The following GUCY1A2 variants were observed in gnomAD, a reference collection of about 807,000 sequenced individuals.
GUCY1A2 encodes guanylate cyclase soluble subunit alpha-2.
Under a neutral mutation model 63.5 loss-of-function variants are expected in GUCY1A2, and 27 were observed. The observed-to-expected ratio is 0.43, with a 90% CI of 0.31 to 0.59. The LOEUF (loss-of-function observed/expected upper bound fraction) is 0.59. Among genes scored for constraint, GUCY1A2 ranks in the 20% least tolerant of loss-of-function variants. GUCY1A2 has a pLI of 0.11. For missense variants in GUCY1A2, 768 were observed against 913.3 expected (o/e 0.84, Z 2.05); for synonymous variants, 364 against 343.5 (o/e 1.06, Z -0.66).
At chr11:106,976,372 C>T (rs1352114323) in intron 3 of GUCY1A2, among the ~76,000 whole-genome samples, 1 of 152,142 alleles carries the variant, frequency 6.6e-6, no homozygotes, top group African/African-American at 2.4e-5. Context: ...GTCCAGTAAG[C>T]TGACCAATTC....
intron 4 of GUCY1A2, among the ~76,000 whole-genome samples, chr11:106,842,546 C>G (rs1417002853): frequency 1.3e-5 from 2 of 152,030 alleles, no homozygotes; most frequent in African/African-American, 4.8e-5. Context: ...TTCTTGCACA[C>G]TGGGCTTCCA....
intron 1 of GUCY1A2, among the ~76,000 whole-genome samples, chr11:106,998,797 TA>T (rs5794514): frequency 0.36 from 53,822 of 149,818 alleles, 10,082 homozygotes; most frequent in Admixed American, 0.49. Flanking sequence ...AATAGTTCAT[TA>T]AAAAAAAAAC....
intron 4 of GUCY1A2, among the ~76,000 whole-genome samples, chr11:106,927,234 G>A (rs780950028): frequency 7.3e-5 from 11 of 151,388 alleles, no homozygotes; most frequent in South Asian, 4.2e-4. Flanking sequence ...TTGGCCAGGC[G>A]TGGTGGCGGG....
At chr11:107,014,436 A>T (rs1861792409) in intron 1 of GUCY1A2, among the ~76,000 whole-genome samples, 1 of 152,150 alleles carries the variant, frequency 6.6e-6, no homozygotes, top group Non-Finnish European at 1.5e-5. Context: ...AAGCCTGGGA[A>T]ATCCCAGATA....
chr11:106,874,445 C>T (rs1010142141), intron 4 of GUCY1A2, among the ~76,000 whole-genome samples: 1 of 152,162 alleles, frequency 6.6e-6, no homozygotes, highest in Non-Finnish European at 1.5e-5. Flanking sequence ...AATCTTCCCT[C>T]CTTCTGCCTA....
chr11:106,923,765 C>G (rs954345038), intron 4 of GUCY1A2, among the ~76,000 whole-genome samples: 3 of 151,864 alleles, frequency 2.0e-5, no homozygotes, highest in Admixed American at 6.6e-5. Context: ...GGAGACAGAA[C>G]AGGTTATAAA....
intron 3 of GUCY1A2, among the ~76,000 whole-genome samples, chr11:106,964,105 T>C (rs1861096268): frequency 6.6e-6 from 1 of 152,024 alleles, no homozygotes; most frequent in South Asian, 2.1e-4. Context: ...GCAGACATTA[T>C]GCCCCTTCAT....
At chr11:106,791,230 T>C (rs1864654000) in intron 5 of GUCY1A2, among the ~76,000 whole-genome samples, 2 of 152,206 alleles carry the variant, frequency 1.3e-5, no homozygotes, top group African/African-American at 4.8e-5. Context: ...GAATTCAGCC[T>C]GGTTTTGCTT....
intron 4 of GUCY1A2, among the ~76,000 whole-genome samples, chr11:106,904,282 T>A (rs1318301309): frequency 6.6e-6 from 1 of 152,162 alleles, no homozygotes; most frequent in African/African-American, 2.4e-5. Flanking sequence ...TGGAGATAAG[T>A]AACATACTGA....
At chr11:106,699,301 C>CT (rs1862776846) in intron 7 of GUCY1A2, among the ~76,000 whole-genome samples, 1 of 152,118 alleles carries the variant, frequency 6.6e-6, no homozygotes, top group Non-Finnish European at 1.5e-5. Flanking sequence ...TAAGGAGTGA[C>CT]TTTTTCTTTT....
chr11:106,941,276 T>C (rs1263119271), intron 3 of GUCY1A2, among the ~76,000 whole-genome samples: 1 of 152,114 alleles, frequency 6.6e-6, no homozygotes, highest in Non-Finnish European at 1.5e-5. Context: ...GATATTACAA[T>C]GAAAAATAAA....
intron 5 of GUCY1A2, among the ~76,000 whole-genome samples, chr11:106,785,242 A>G (rs1230081750): frequency 6.6e-6 from 1 of 152,124 alleles, no homozygotes; most frequent in Non-Finnish European, 1.5e-5. Flanking sequence ...AAAGGAGAAG[A>G]TGCAAAGAGA....
chr11:106,684,637 T>C lies in GUCY1A2; in HGVS notation c.*2912A>G, dbSNP rs966673808. 2.0e-5 allele frequency: 4 copies of C among 200,966 alleles called. No homozygotes were observed. The highest frequency in any genetic ancestry group is 1.2e-4 in the Admixed American group (2 of 16,604). 12.4% of individuals were successfully genotyped at this position (200,966 alleles called of 1,614,324 possible). ...GCTAATGGCTAGTTATAAGGTGCCTTCTTCCAAACAGCAGCTTAAAAGAAT... is the reference window on the plus strand; with the variant it reads ...GCTAATGGCTAGTTATAAGGTGCCTCCTTCCAAACAGCAGCTTAAAAGAAT... On this transcript the variant is annotated 3_prime_UTR_variant, in exon 8 of 8. Coordinates refer to ENST00000526355, the MANE Select transcript of GUCY1A2 (RefSeq NM_000855.3).
chr11:106,795,324 T>C (rs1194874851), intron 5 of GUCY1A2, among the ~76,000 whole-genome samples: 2 of 152,180 alleles, frequency 1.3e-5, no homozygotes, highest in African/African-American at 2.4e-5. Flanking sequence ...GGCTGAAATA[T>C]GCCCGACTGG....
chr11:106,879,695 T>C (rs978510952), intron 4 of GUCY1A2, among the ~76,000 whole-genome samples: 1 of 152,078 alleles, frequency 6.6e-6, no homozygotes, highest in African/African-American at 2.4e-5. Context: ...TCTGTTTCCA[T>C]TGCCATTGCC....
chr11:106,976,943 T>TTGTC (rs34285060), intron 3 of GUCY1A2, among the ~76,000 whole-genome samples: 4 of 1,426 alleles, frequency 2.8e-3, no homozygotes, highest in Admixed American at 8.6e-3. Flanking sequence ...CCATTTCAAA[T>TTGTC]TGACCCAGGG....
intron 7 of GUCY1A2, among the ~76,000 whole-genome samples, chr11:106,692,593 T>C (rs1862643515): frequency 1.3e-5 from 2 of 152,144 alleles, no homozygotes; most frequent in African/African-American, 2.4e-5. Flanking sequence ...CTGACACTTA[T>C]TCATACTGAA....
rs1862347325 is a variant in GUCY1A2 at position 106,676,424 on chromosome 11, TG to T, written c.*11124del. The stretch of plus-strand genomic sequence containing the variant: ...TAATAAAATGGCAATTTGTAAATTC[TG>T]GTGAATACTCAAAATTGTAGCTAAA... On this transcript the variant is annotated 3_prime_UTR_variant, in exon 8 of 8. Transcript: ENST00000526355. 4 of 187,362 alleles carry T rather than the reference TG, an allele frequency of 2.1e-5. No homozygotes were observed. The South Asian group carries it at 7.8e-4, about 37-fold the overall frequency. 11.6% of individuals were successfully genotyped at this position (187,362 alleles called of 1,614,324 possible).
At chr11:106,866,970 A>C (rs902787661) in intron 4 of GUCY1A2, among the ~76,000 whole-genome samples, 3 of 152,038 alleles carry the variant, frequency 2.0e-5, no homozygotes, top group African/African-American at 7.2e-5. Flanking sequence ...CACAAGCCCT[A>C]GGTACTGCTT....
Sources: allele counts gnomAD v4.1 joint callset (sites outside exome capture counted in the v4.1 genomes callset), GRCh38; gene constraint gnomAD v4.1.1; transcripts MANE v1.5; gene names NCBI Gene and HGNC (gene_info 2026-07-23, HGNC 2026-07-21).